ANKRD2: variants seen among roughly 807,000 people sequenced by gnomAD.
ANKRD2 encodes the protein ankyrin repeat domain-containing protein 2.
Under a neutral mutation model 37.3 loss-of-function variants are expected in ANKRD2, and 35 were observed. The observed-to-expected ratio is 0.94, with a 90% CI of 0.72 to 1.24. The LOEUF (loss-of-function observed/expected upper bound fraction) is 1.24. Among genes scored for constraint, ANKRD2 ranks in the 50% most tolerant of loss-of-function variants. The probability of loss-of-function intolerance (pLI) is 0.00; values close to 1 mark genes in which losing one functional copy is unlikely to be tolerated. For missense variants in ANKRD2, 410 were observed against 445.6 expected, an observed-to-expected ratio of 0.92 and a Z score of 0.72; for synonymous variants, 159 against 186.5, an observed-to-expected ratio of 0.85 and a Z score of 1.20.
At chr10:97,579,702 C>T (rs1367975282) in intron 4 of ANKRD2, among the ~76,000 whole-genome samples, 1 of 152,116 alleles carries the variant, frequency 6.6e-6, no homozygotes, top group African/African-American at 2.4e-5. Flanking sequence ...ATTCTCCTGC[C>T]TCAGCCTCCT....
At chr10:97,577,405 T>C (rs2040838812) in intron 1 of ANKRD2, among the ~76,000 whole-genome samples, 1 of 152,212 alleles carries the variant, frequency 6.6e-6, no homozygotes, top group Non-Finnish European at 1.5e-5. Context: ...TAGCTGGGAC[T>C]AAAGGCTGGC....
intron 4 of ANKRD2, among the ~76,000 whole-genome samples, chr10:97,579,518 C>A (rs2040870638): frequency 6.6e-6 from 1 of 151,858 alleles, no homozygotes; most frequent in Non-Finnish European, 1.5e-5. Flanking sequence ...TCCACTTTAA[C>A]CATTTTAAGT....
At position 97,583,755 on chromosome 10, in the gene ANKRD2, G is replaced by A. The variant is rs747544043; in HGVS notation, c.*30G>A. ...GTGCCCCAGCCCAGCCAGCTACCCA[G>A]CCCCTCTCTGTGTGCAGCCGGAGGG... On this transcript the variant is annotated 3_prime_UTR_variant, in exon 9 of 9. Transcript: ENST00000370655. The A allele has an allele frequency of 5.8e-5, 86 of 1,478,710 alleles. No homozygotes were observed. In the Middle Eastern group the frequency reaches 1.3e-3, roughly 22 times the overall value. The allele number at this position is 1,478,710 out of a possible 1,614,324, so 91.6% of individuals were successfully genotyped here.
chr10:97,578,152 C>CCCCCA, intron 2 of ANKRD2, 88 bp from the exon 3 acceptor site: 2 of 988,452 alleles, frequency 2.0e-6, no homozygotes, highest in Non-Finnish European at 3.0e-6. Context: ...CTGCCCACCC[C>CCCCCA]ACCCTCCCCA....
rs1435646021 is a variant in ANKRD2, at chr10:97,572,875, G to T, written c.87G>T (p.Glu29Asp). 2.6e-6 allele frequency: 4 copies of T among 1,551,270 alleles called. No individual in the cohort carries two copies. Among genetic ancestry groups the T allele is most frequent in the Non-Finnish European group, 2.6e-6 (3 of 1,147,148 alleles). ...GGCTGGCACAGGAGGAGGAGAATGAGGTGCGAGCAGGGGTGGAGGTGCCCA... is the reference window on the plus strand; with the variant it reads ...GGCTGGCACAGGAGGAGGAGAATGATGTGCGAGCAGGGGTGGAGGTGCCCA... ...EQRLAQEEENEKLRGDARQKL... is the reference protein window; with the variant it reads ...EQRLAQEEENDKLRGDARQKL... Residue 29 changes from glutamate (E) to aspartate (D), a missense_variant and splice_region_variant, in exon 1 of 9, where the codon GAG (glutamate) becomes GAT (aspartate). Glu to Asp is a conservative substitution (Grantham distance 45). Coordinates refer to ENST00000370655, the MANE Select transcript of ANKRD2 (RefSeq NM_001346793.2).
chr10:97,583,537 T>C, intron 8 of ANKRD2, 39 bp from the exon 9 acceptor site: 1 of 1,533,790 alleles, frequency 6.5e-7, no homozygotes, highest in South Asian at 1.2e-5. Flanking sequence ...TAACAGATTT[T>C]CTCTTGCCAA....
chr10:97,576,018 T>G (rs1314548064), intron 1 of ANKRD2, among the ~76,000 whole-genome samples: 2 of 152,094 alleles, frequency 1.3e-5, no homozygotes, highest in Non-Finnish European at 2.9e-5. Flanking sequence ...CTTTCATTCT[T>G]GGAAGAAGAT....
At chr10:97,578,144 G>GGGCCCC in intron 2 of ANKRD2, 96 bp from the exon 3 acceptor site, 5 of 685,410 alleles carry the variant, frequency 7.3e-6, no homozygotes, top group Non-Finnish European at 5.0e-6. Context: ...GGGTCTTCCT[G>GGGCCCC]CCCACCCCAC....
Position 97,577,791 on chromosome 10 carries a change from G to A in ANKRD2, c.88-9G>A, listed in dbSNP as rs1180963735. The stretch of plus-strand genomic sequence containing the variant: ...GGTCCTGGAGAAGGTGCCCTCTTTG[G>A]ATCACCAGAAACTCCGAGGAGACGC... On this transcript the variant is annotated splice_polypyrimidine_tract_variant and intron_variant, in intron 1 of 8. Transcript: ENST00000370655. 5 of 1,551,460 alleles carry A rather than the reference G, an allele frequency of 3.2e-6. No homozygotes were observed. Among genetic ancestry groups the A allele is most frequent in the African/African-American group, 1.4e-5 (1 of 73,654 alleles).
At chr10:97,579,708 C>T (rs2040872829) in intron 4 of ANKRD2, among the ~76,000 whole-genome samples, 1 of 152,060 alleles carries the variant, frequency 6.6e-6, no homozygotes. Flanking sequence ...CTGCCTCAGC[C>T]TCCTGAGTAG....
At chr10:97,578,039 GC>G in intron 2 of ANKRD2, 138 bp downstream of exon 2, 3 of 1,079,400 alleles carry the variant, frequency 2.8e-6, no homozygotes, top group Non-Finnish European at 2.6e-6. Context: ...CAGAATCTCC[GC>G]CCCGTCCCAG....
intron 4 of ANKRD2, among the ~76,000 whole-genome samples, chr10:97,579,868 A>C (rs2040875444): frequency 6.6e-6 from 1 of 152,214 alleles, no homozygotes; most frequent in Admixed American, 6.5e-5. Context: ...AAGTGCTGGG[A>C]TTACAGGCAT....
chr10:97,578,144 G>GGCCCACCCC, intron 2 of ANKRD2, 96 bp from the exon 3 acceptor site: 1 of 685,446 alleles, frequency 1.5e-6, no homozygotes, highest in African/African-American at 1.8e-5. Context: ...GGGTCTTCCT[G>GGCCCACCCC]CCCACCCCAC....
rs1334868583 is a variant in ANKRD2, at chr10:97,577,898, G to A, written c.186G>A (p.Val62=). Residue 62 remains valine (V), a synonymous_variant, in exon 2 of 9, where the codon GTG becomes GTA. Transcript: ENST00000370655. ...CTCAGAGTGCAGCCCTGCAGAAGGT[G>A]AAGGTAAGCCTGGGAGGATCCAATG... is the stretch of plus-strand genomic sequence containing the variant. The part of the protein sequence containing the change: ...HGAQSAALQK[V]KGQERVRKTS... 4 of 1,559,824 alleles carry A rather than the reference G, an allele frequency of 2.6e-6. No individual in the cohort carries two copies. Among genetic ancestry groups the A allele is most frequent in the Admixed American group, 3.9e-5 (2 of 51,448 alleles).
chr10:97,583,212 G>A (rs1477470808), intron 8 of ANKRD2, among the ~76,000 whole-genome samples: 1 of 152,166 alleles, frequency 6.6e-6, no homozygotes, highest in Non-Finnish European at 1.5e-5. Flanking sequence ...AGGAGGCCAT[G>A]GGAGAGTCCC....
At chr10:97,576,901 T>G (rs1419742227) in intron 1 of ANKRD2, among the ~76,000 whole-genome samples, 1 of 152,086 alleles carries the variant, frequency 6.6e-6, no homozygotes, top group Non-Finnish European at 1.5e-5. Context: ...TTCACCATGT[T>G]GCCTATGGCT....
rs2040908381 is a variant in ANKRD2, at chr10:97,582,332, G to A, written c.672G>A (p.Leu224=). The A allele has an allele frequency of 1.3e-6, 2 of 1,557,122 alleles. No homozygotes were observed. Among genetic ancestry groups the A allele is most frequent in the East Asian group, 2.4e-5 (1 of 41,464 alleles). Residue 224 remains leucine, a synonymous_variant, in exon 7 of 9, where the codon CTG becomes CTA. Transcript: ENST00000370655. ...CCACCCAGCTGCTGAGCACCCCGCT[G>A]CACGTGGCAGTCCGGACAGGGCAGG... is the stretch of plus-strand genomic sequence containing the variant. ...NVRDKLLSTP[L]HVAVRTGQVE...
In ANKRD2 at chr10:97,578,520, C is replaced by A; in HGVS notation, c.371C>A (p.Thr124Asn). 9 of 1,581,152 alleles carry A rather than the reference C, an allele frequency of 5.7e-6. No homozygotes were observed. In the Middle Eastern group the frequency reaches 5.0e-4, roughly 87 times the overall value. ...EEITGPVDEE[T>N]FLKAAVEGKM... is the part of the protein sequence containing the mutation. ...CAGACTGGCCCTGTGGATGAGGAGA[C>A]CTTCCTGAAAGCTGCGGTGGAGGGG... is the stretch of plus-strand genomic sequence containing the variant. Residue 124 changes from threonine to asparagine, a missense_variant, in exon 4 of 9, where the codon ACC (threonine) becomes AAC (asparagine). Thr to Asn is a moderately conservative substitution (Grantham distance 65, BLOSUM62 0). Transcript: ENST00000370655.
chr10:97,575,933 A>G (rs954119441), intron 1 of ANKRD2, among the ~76,000 whole-genome samples: 43 of 151,394 alleles, frequency 2.8e-4, no homozygotes, highest in Admixed American at 5.9e-4. Flanking sequence ...AAAATACACA[A>G]GCTGGCCCTC....
Sources: gnomAD v4.1 joint callset for allele counts (sites outside exome capture counted in the v4.1 genomes callset) on GRCh38, gnomAD v4.1.1 for gene constraint, MANE v1.5 for transcripts, NCBI Gene and HGNC (gene_info 2026-07-23, HGNC 2026-07-21) for gene names.